DOCK3: variants seen among roughly 807,000 people sequenced by gnomAD.
The protein encoded by DOCK3 is dedicator of cytokinesis 3.
Under a neutral mutation model 265.6 loss-of-function variants are expected in DOCK3, and 60 were observed. That is an observed-to-expected ratio of 0.23 (90% CI 0.18 to 0.28). DOCK3 has a LOEUF of 0.28. DOCK3 is among the 10% of genes least tolerant of loss of function. DOCK3 has a pLI of 1.00. For synonymous variants in DOCK3, 881 were observed against 938.0 expected, an observed-to-expected ratio of 0.94 and a Z score of 1.11; for missense variants, 1,981 against 2,594.3, an observed-to-expected ratio of 0.76 and a Z score of 5.14.
chr3:50,810,468 T>G (rs911364006), intron 2 of DOCK3, among the ~76,000 whole-genome samples: 3 of 152,034 alleles, frequency 2.0e-5, no homozygotes, highest in Admixed American at 6.6e-5. Context: ...GGAGAATCAC[T>G]TAAAACCTGG....
chr3:51,188,789 G>C (rs941379160), intron 12 of DOCK3, among the ~76,000 whole-genome samples: 1 of 145,762 alleles, frequency 6.9e-6, no homozygotes, highest in African/African-American at 2.6e-5. Flanking sequence ...TTTTGTGTCG[G>C]GGGATGTGGG....
chr3:50,777,094 C>T (rs1468120880), intron 1 of DOCK3, among the ~76,000 whole-genome samples: 1 of 152,148 alleles, frequency 6.6e-6, no homozygotes, highest in African/African-American at 2.4e-5. Context: ...ACACTGCCCC[C>T]ATGATTCAGT....
intron 12 of DOCK3, among the ~76,000 whole-genome samples, chr3:51,195,054 T>C (rs1207690139): frequency 6.6e-6 from 1 of 152,072 alleles, no homozygotes; most frequent in African/African-American, 2.4e-5. Context: ...CTCGATCTCT[T>C]GACCTCATGA....
chr3:51,205,480 G>C (rs916556456), intron 12 of DOCK3, among the ~76,000 whole-genome samples: 5 of 150,956 alleles, frequency 3.3e-5, no homozygotes, highest in African/African-American at 1.2e-4. Flanking sequence ...GATCGCTTGA[G>C]TTCAGGAGTT....
At chr3:50,808,296 T>C (rs1391690103) in intron 2 of DOCK3, among the ~76,000 whole-genome samples, 1 of 152,228 alleles carries the variant, frequency 6.6e-6, no homozygotes, top group Non-Finnish European at 1.5e-5. Flanking sequence ...GTTAATCTAA[T>C]GATTTAATGC....
chr3:51,250,549 G>A (rs2079159104), intron 22 of DOCK3, among the ~76,000 whole-genome samples: 1 of 152,192 alleles, frequency 6.6e-6, no homozygotes, highest in Non-Finnish European at 1.5e-5. Context: ...AACCTGGGAG[G>A]CGGAGGTTGC....
At chr3:50,898,748 T>C (rs377227043) in intron 4 of DOCK3, among the ~76,000 whole-genome samples, 192 of 152,352 alleles carry the variant, frequency 1.3e-3, no homozygotes, top group African/African-American at 4.1e-3. Context: ...CTAGTAGTCA[T>C]TCAGGAGCAG....
chr3:51,214,011 G>T, intron 13 of DOCK3, 111 bp from the exon 14 acceptor site: 1 of 1,457,412 alleles, frequency 6.9e-7, no homozygotes, highest in Non-Finnish European at 9.3e-7. Flanking sequence ...TTTTTCTCAA[G>T]AATTTTGCTG....
intron 40 of DOCK3, 69 bp downstream of exon 40, chr3:51,350,461 T>G: frequency 2.0e-6 from 3 of 1,527,302 alleles, no homozygotes; most frequent in Middle Eastern, 1.7e-4. Context: ...CCGATATTCT[T>G]TTCTTCCCCT....
intron 2 of DOCK3, among the ~76,000 whole-genome samples, chr3:50,805,287 T>C (rs1246437843): frequency 7.2e-5 from 11 of 152,172 alleles, no homozygotes; most frequent in Admixed American, 7.2e-4. Context: ...CTGAGTGGCC[T>C]AGGCTGAGAG....
intron 10 of DOCK3, among the ~76,000 whole-genome samples, chr3:51,151,501 G>A (rs2085593895): frequency 1.3e-5 from 2 of 152,194 alleles, no homozygotes; most frequent in African/African-American, 2.4e-5. Flanking sequence ...AGATCAATGA[G>A]ACAGAAGGTT....
At chr3:50,746,572 T>C (rs1421006564) in intron 1 of DOCK3, among the ~76,000 whole-genome samples, 2 of 152,220 alleles carry the variant, frequency 1.3e-5, no homozygotes, top group East Asian at 3.8e-4. Context: ...CATTCTTGTT[T>C]GCTATAAAGA....
chr3:50,825,917 T>C (rs1245060853), intron 2 of DOCK3, among the ~76,000 whole-genome samples: 2 of 151,404 alleles, frequency 1.3e-5, no homozygotes, highest in African/African-American at 4.9e-5. Context: ...AGGAGTGTAG[T>C]AGGGAGATTA....
In DOCK3 at chr3:51,244,386, G is replaced by A. The variant is rs895018423; in HGVS notation, c.2103-2340G>A. On this transcript the variant is annotated intron_variant, in intron 21 of 52. Coordinates refer to ENST00000266037, the MANE Select transcript of DOCK3 (RefSeq NM_004947.5). ...TATCTTTTATTTCTTTAAGCAACATGTATAAAACTTTTGTCTCCTTAGTTA... is the reference window on the plus strand; with the variant it reads ...TATCTTTTATTTCTTTAAGCAACATATATAAAACTTTTGTCTCCTTAGTTA... 5.9e-5 allele frequency among the ~76,000 whole-genome samples: 9 copies of A among 152,026 alleles called. No homozygotes were observed. In the South Asian group the frequency reaches 1.5e-3, roughly 25 times the overall value.
At position 51,272,635 on chromosome 3, in the gene DOCK3, A is replaced by G. The variant is rs183986838; in HGVS notation, c.2548+1628A>G. ...AACAAAAATTTCTCAGCCCACTGCTACACACATTTGTAATACTAAATAGAT... is the reference window on the plus strand; with the variant it reads ...AACAAAAATTTCTCAGCCCACTGCTGCACACATTTGTAATACTAAATAGAT... On this transcript the variant is annotated intron_variant, in intron 24 of 52. Coordinates refer to ENST00000266037, the MANE Select transcript of DOCK3 (RefSeq NM_004947.5). Among the ~76,000 whole-genome samples the G allele has an allele frequency of 2.0e-5, 3 of 152,116 alleles. No individual in the cohort carries two copies. The East Asian group carries it at 5.8e-4, about 29-fold the overall frequency.
chr3:51,109,346 T>C lies in DOCK3; in HGVS notation c.746+18962T>C, dbSNP rs1274518746. ...CTAATGAGAACAAAGATACAACATA[T>C]GAGGATCTCTGGAACACAGCTAAGA... On this transcript the variant is annotated intron_variant, in intron 9 of 52. Transcript: ENST00000266037. Among the ~76,000 whole-genome samples the C allele has an allele frequency of 4.6e-5, 7 of 152,214 alleles. No individual in the cohort carries two copies. The South Asian group carries it at 6.2e-4, about 14-fold the overall frequency.
intron 27 of DOCK3, 78 bp downstream of exon 27, chr3:51,280,282 G>T: frequency 7.4e-7 from 1 of 1,358,224 alleles, no homozygotes. Flanking sequence ...CCTGTCAGGG[G>T]GATGAATGCA....
chr3:50,909,593 G>A (rs1486680215), intron 4 of DOCK3, among the ~76,000 whole-genome samples: 2 of 151,034 alleles, frequency 1.3e-5, no homozygotes, highest in Non-Finnish European at 2.9e-5. Flanking sequence ...TATTCTGGTG[G>A]GCTTTCCTTT....
At chr3:51,188,818 ACATTT>A (rs1308939308) in intron 12 of DOCK3, among the ~76,000 whole-genome samples, 1 of 24,984 alleles carries the variant, frequency 4.0e-5, no homozygotes, top group East Asian at 1.5e-3. Flanking sequence ...TGTGTGTATC[ACATTT>A]TCTTTTCTTA....
Sources: gnomAD v4.1 joint callset for allele counts (sites outside exome capture counted in the v4.1 genomes callset) on GRCh38, gnomAD v4.1.1 for gene constraint, MANE v1.5 for transcripts, NCBI Gene and HGNC (gene_info 2026-07-23, HGNC 2026-07-21) for gene names.